Variants in PWWP2B observed in about 807,000 individuals in gnomAD.
PWWP2B encodes the protein PWWP domain-containing protein 2B.
In PWWP2B, 9 loss-of-function variants were observed where a neutral mutation model predicts 15.5. The ratio of observed to expected loss-of-function variants is 0.58; its 90% CI spans 0.35 to 1.02. The LOEUF (loss-of-function observed/expected upper bound fraction) is 1.02. PWWP2B is among the 50% of genes least tolerant of loss of function. The pLI, the probability that PWWP2B is intolerant of heterozygous loss-of-function variation, is 0.02. For synonymous variants in PWWP2B, 474 were observed against 403.6 expected (o/e 1.17, Z -2.09); for missense variants, 864 against 865.3 (o/e 1.00, Z 0.02).
At chr10:132,403,346 C>T (rs972016868) in intron 1 of PWWP2B, among the ~76,000 whole-genome samples, 9 of 152,146 alleles carry the variant, frequency 5.9e-5, no homozygotes, top group Admixed American at 5.9e-4. Flanking sequence ...TCTCTTTTTT[C>T]TCTGGTTTAG....
chr10:132,406,085 T>C lies in PWWP2B; in HGVS notation c.1585T>C (p.Ser529Pro). 1 of 1,613,742 alleles carries C rather than the reference T, an allele frequency of 6.2e-7. No individual in the cohort carries two copies. Among genetic ancestry groups the C allele is most frequent in the Non-Finnish European group, 8.5e-7 (1 of 1,179,906 alleles). Residue 529 changes from serine (S) to proline (P), a missense_variant, in exon 2 of 3, where the codon TCG (serine) becomes CCG (proline). Coordinates refer to ENST00000305233, the MANE Select transcript of PWWP2B (RefSeq NM_138499.4). ...GCCGTCTTGGCGAGAAGCGAAGGTCTCGTGGTTTGGTTCTCCGACTACGTC... is the reference window on the plus strand; with the variant it reads ...GCCGTCTTGGCGAGAAGCGAAGGTCCCGTGGTTTGGTTCTCCGACTACGTC... ...GEPSWREAKVSWFGSPTTSFL... is the reference protein window; with the variant it reads ...GEPSWREAKVPWFGSPTTSFL...
rs539073500 is a variant in PWWP2B, at chr10:132,404,706, C to A, written c.206C>A (p.Ala69Asp). ...CCTGTCAACGACAGCCATGGCCGGGCTCCCGAGGAGGGGGATGCAGAGGTG... is the reference window on the plus strand; with the variant it reads ...CCTGTCAACGACAGCCATGGCCGGGATCCCGAGGAGGGGGATGCAGAGGTG... Reference protein sequence around the residue: ...ESPVNDSHGRAPEEGDAEVMQ... With the variant: ...ESPVNDSHGRDPEEGDAEVMQ... The change falls in exon 2 of 3, where the codon GCT (alanine) becomes GAT (aspartate). Residue 69 changes from alanine to aspartate, a missense_variant. By Grantham distance (126) the Ala-to-Asp change is moderately radical. Coordinates refer to ENST00000305233, the MANE Select transcript of PWWP2B (RefSeq NM_138499.4). The A allele has an allele frequency of 8.9e-5, 143 of 1,612,150 alleles. No individual in the cohort carries two copies. Among genetic ancestry groups the A allele is most frequent in the Non-Finnish European group, 1.2e-4 (137 of 1,179,762 alleles).
chr10:132,410,368 G>A (rs1045432644), intron 2 of PWWP2B, among the ~76,000 whole-genome samples: 20 of 152,226 alleles, frequency 1.3e-4, no homozygotes, highest in African/African-American at 4.6e-4. Context: ...TGCTTGGCGG[G>A]GAGCTCCACA....
intron 1 of PWWP2B, among the ~76,000 whole-genome samples, chr10:132,403,458 A>G (rs1202430361): frequency 1.3e-5 from 2 of 152,224 alleles, no homozygotes; most frequent in African/African-American, 2.4e-5. Context: ...CTGTGGTAAC[A>G]TCAGCGTTCG....
At chr10:132,415,109 T>C (rs971445604) in intron 2 of PWWP2B, among the ~76,000 whole-genome samples, 2 of 152,188 alleles carry the variant, frequency 1.3e-5, no homozygotes. Context: ...TGCTGCTGCT[T>C]GATCCTTAAG....
At chr10:132,406,357 CT>C (rs1302233092) in intron 2 of PWWP2B, 68 bp downstream of exon 2, 1 of 1,344,564 alleles carries the variant, frequency 7.4e-7, no homozygotes, top group Non-Finnish European at 1.0e-6. Flanking sequence ...CAGGCCATGC[CT>C]CTGCTCCGGG....
At position 132,397,203 on chromosome 10, in the gene PWWP2B, G is replaced by GGCGGCCTGGGACGCGGCGGGA; in HGVS notation, c.-21_-1dup. On this transcript the variant is annotated 5_prime_UTR_variant, in exon 1 of 3. Transcript: ENST00000305233. The stretch of plus-strand genomic sequence containing the variant: ...GCGGCGGCGGCGGCGGCGGGGCGGG[G>GGCGGCCTGGGACGCGGCGGGA]GCGGCCTGGGACGCGGCGGGAGCAT... 2 of 1,031,882 alleles carry GGCGGCCTGGGACGCGGCGGGA rather than the reference G, an allele frequency of 1.9e-6. No individual in the cohort carries two copies. Among genetic ancestry groups the GGCGGCCTGGGACGCGGCGGGA allele is most frequent in the Non-Finnish European group, 2.3e-6 (2 of 861,842 alleles). The allele number at this position is 1,031,882 out of a possible 1,614,324, so 63.9% of individuals were successfully genotyped here. A position where few individuals can be genotyped will look rare whatever the true frequency, so the allele number is the denominator to read the frequency against.
At chr10:132,406,536 A>G (rs1315283319) in intron 2 of PWWP2B, among the ~76,000 whole-genome samples, 1 of 152,270 alleles carries the variant, frequency 6.6e-6, no homozygotes, top group Non-Finnish European at 1.5e-5. Flanking sequence ...GGAAGCACAC[A>G]GCGAGTTTGT....
intron 2 of PWWP2B, among the ~76,000 whole-genome samples, chr10:132,410,337 G>T (rs1266409882): frequency 6.6e-6 from 1 of 152,154 alleles, no homozygotes; most frequent in Non-Finnish European, 1.5e-5. Context: ...TATTCATCGG[G>T]GGGGACCTGG....
chr10:132,413,981 G>A (rs534827696), intron 2 of PWWP2B, among the ~76,000 whole-genome samples: 2 of 152,364 alleles, frequency 1.3e-5, no homozygotes, highest in African/African-American at 4.8e-5. Context: ...CCAGGCAGGT[G>A]GGGCCCCAAG....
intron 1 of PWWP2B, among the ~76,000 whole-genome samples, chr10:132,397,574 G>C (rs943013855): frequency 2.0e-5 from 3 of 149,312 alleles, no homozygotes; most frequent in Non-Finnish European, 4.5e-5. Context: ...CGGGCGCCGG[G>C]CCGGGGCGGG....
chr10:132,405,791 G>T lies in PWWP2B; in HGVS notation c.1291G>T (p.Ala431Ser). The T allele has an allele frequency of 6.2e-7, 1 of 1,607,348 alleles. No homozygotes were observed. The highest frequency in any genetic ancestry group is 8.5e-7 in the Non-Finnish European group (1 of 1,179,752). The change falls in exon 2 of 3, where the codon GCC becomes TCC. Residue 431 changes from alanine (A) to serine (S), a missense_variant. Ala to Ser is a moderately conservative substitution (Grantham distance 99). Transcript: ENST00000305233. ...SACSSDSLDE[A>S]RSSGSEGTPA... ...GTGCAGCAGCGACAGCCTGGACGAG[G>T]CCAGATCGTCCGGCTCGGAAGGGAC...
chr10:132,413,044 G>GT (rs2069802648), intron 2 of PWWP2B, among the ~76,000 whole-genome samples: 1 of 152,224 alleles, frequency 6.6e-6, no homozygotes, highest in Admixed American at 6.5e-5. Flanking sequence ...CTCACTGTGC[G>GT]TTTTCTGGCT....
intron 1 of PWWP2B, among the ~76,000 whole-genome samples, chr10:132,401,256 A>G (rs566903898): frequency 1.3e-5 from 2 of 151,700 alleles, no homozygotes; most frequent in South Asian, 4.2e-4. Flanking sequence ...GCAATTAGAG[A>G]CTCCAGGGCG....
At chr10:132,403,179 T>C (rs1288980956) in intron 1 of PWWP2B, among the ~76,000 whole-genome samples, 4 of 152,272 alleles carry the variant, frequency 2.6e-5, no homozygotes, top group East Asian at 3.9e-4. Flanking sequence ...CAGAGGAGAA[T>C]GGGGCGGGTG....
At chr10:132,410,763 A>G (rs2069768198) in intron 2 of PWWP2B, among the ~76,000 whole-genome samples, 1 of 152,166 alleles carries the variant, frequency 6.6e-6, no homozygotes, top group Non-Finnish European at 1.5e-5. Context: ...GCCGTGCTCC[A>G]CCGACGTGCG....
Position 132,405,468 on chromosome 10 carries a change from C to G in PWWP2B, c.968C>G (p.Pro323Arg). ...IPKLKLTRPV[P>R]AGADLPPPKI... is the part of the protein sequence containing the mutation. ...AAGTTGAAACTGACACGGCCTGTGC[C>G]GGCCGGCGCGGACCTGCCGCCCCCT... Residue 323 changes from proline to arginine, a missense_variant, in exon 2 of 3, where the codon CCG becomes CGG. Coordinates refer to ENST00000305233, the MANE Select transcript of PWWP2B (RefSeq NM_138499.4). The G allele has an allele frequency of 6.2e-7, 1 of 1,605,936 alleles. No homozygotes were observed.
At chr10:132,404,478 G>C (rs79148078) in intron 1 of PWWP2B, 148 bp from the exon 2 acceptor site, 10 of 707,010 alleles carry the variant, frequency 1.4e-5, no homozygotes, top group Non-Finnish European at 2.3e-5. Context: ...TTGGTTTACC[G>C]TCCTGAAATA....
rs891852118 is a variant in PWWP2B, at chr10:132,406,055, G to A, written c.1555G>A (p.Gly519Arg). The change falls in exon 2 of 3, where the codon GGA becomes AGA. Residue 519 changes from glycine to arginine, a missense_variant. By Grantham distance (125) the Gly-to-Arg change is moderately radical. Transcript: ENST00000305233. Reference protein sequence around the residue: ...LDISLGQKEDGEPSWREAKVS... With the variant: ...LDISLGQKEDREPSWREAKVS... The stretch of plus-strand genomic sequence containing the variant: ...CATCAGTCTCGGCCAGAAGGAGGAC[G>A]GAGAGCCGTCTTGGCGAGAAGCGAA... 30 of 1,613,518 alleles carry A rather than the reference G, an allele frequency of 1.9e-5. No homozygotes were observed. The highest frequency in any genetic ancestry group is 2.2e-5 in the East Asian group (1 of 44,882).
Sources: gnomAD v4.1 joint callset for allele counts (sites outside exome capture counted in the v4.1 genomes callset) on GRCh38, gnomAD v4.1.1 for gene constraint, MANE v1.5 for transcripts, NCBI Gene and HGNC (gene_info 2026-07-23, HGNC 2026-07-21) for gene names.